Variants in ALDH1A2 observed in about 807,000 individuals in gnomAD.
ALDH1A2 encodes the protein retinal dehydrogenase 2.
A neutral mutation model predicts 60.3 loss-of-function variants in ALDH1A2; 27 were observed. That is an observed-to-expected ratio of 0.45 (90% CI 0.33 to 0.62). The LOEUF is 0.62. Among genes scored for constraint, ALDH1A2 ranks in the 20% least tolerant of loss-of-function variants. The pLI is 0.02. For synonymous variants in ALDH1A2, 289 were observed against 232.4 expected (o/e 1.24, Z -2.21); for missense variants, 581 against 643.8 (o/e 0.90, Z 1.06).
chr15:58,022,844 C>CTGAGGAAAA (rs1895969535), intron 1 of ALDH1A2, among the ~76,000 whole-genome samples: 1 of 152,118 alleles, frequency 6.6e-6, no homozygotes, highest in Non-Finnish European at 1.5e-5. Flanking sequence ...ACCATATATA[C>CTGAGGAAAA]ACCTTCAGGA....
chr15:58,018,315 G>A (rs1895837950), intron 1 of ALDH1A2, among the ~76,000 whole-genome samples: 1 of 152,004 alleles, frequency 6.6e-6, no homozygotes, highest in Non-Finnish European at 1.5e-5. Flanking sequence ...ACATCCAAAA[G>A]TTCATAATGA....
chr15:58,051,813 GC>G (rs1334129031), intron 1 of ALDH1A2, among the ~76,000 whole-genome samples: 3 of 152,146 alleles, frequency 2.0e-5, no homozygotes, highest in Non-Finnish European at 2.9e-5. Flanking sequence ...CCTGCAAAGT[GC>G]TAAGTCTCTA....
At chr15:57,988,844 T>G (rs1401556509) in intron 7 of ALDH1A2, among the ~76,000 whole-genome samples, 5 of 151,600 alleles carry the variant, frequency 3.3e-5, no homozygotes, top group Admixed American at 1.3e-4. Context: ...AAAGAGGAGA[T>G]TCCATTTATT....
intron 9 of ALDH1A2, among the ~76,000 whole-genome samples, chr15:57,962,400 G>C (rs1475024226): frequency 6.6e-6 from 1 of 152,122 alleles, no homozygotes; most frequent in East Asian, 1.9e-4. Context: ...GTACTGCTCT[G>C]ATGATATTGC....
intron 7 of ALDH1A2, among the ~76,000 whole-genome samples, chr15:57,982,160 T>G (rs999233897): frequency 3.9e-5 from 6 of 152,300 alleles, no homozygotes; most frequent in African/African-American, 1.4e-4. Context: ...ACAAACACAC[T>G]CTTTCTGGGG....
rs145997636 is a variant in ALDH1A2 at position 58,014,147 on chromosome 15, T to G, written c.222+30A>C. 20 of 1,614,136 alleles carry G rather than the reference T, an allele frequency of 1.2e-5. No homozygotes were observed. In the Middle Eastern group the frequency reaches 5.0e-4, roughly 40 times the overall value. Reference sequence around the variant, plus strand: ...CTGCTGTTTGAAGGCAGTTATTTCATAGGAAATCTTTTATCTACAAAAGAC... The same window carrying G: ...CTGCTGTTTGAAGGCAGTTATTTCAGAGGAAATCTTTTATCTACAAAAGAC... On this transcript the variant is annotated intron_variant, in intron 2 of 12. Transcript: ENST00000249750.
chr15:58,058,836 A>C (rs1448896393), intron 1 of ALDH1A2, among the ~76,000 whole-genome samples: 1 of 152,156 alleles, frequency 6.6e-6, no homozygotes, highest in Non-Finnish European at 1.5e-5. Context: ...CTATAATAAA[A>C]ATTAGAAAGT....
chr15:58,064,991 T>C (rs1156743300), intron 1 of ALDH1A2, among the ~76,000 whole-genome samples: 1 of 152,254 alleles, frequency 6.6e-6, no homozygotes, highest in East Asian at 1.9e-4. Context: ...TTACTGTACT[T>C]ATCAGTCAGG....
chr15:58,065,354 G>A (rs979459358), intron 1 of ALDH1A2, 180 bp downstream of exon 1: 2 of 687,880 alleles, frequency 2.9e-6, no homozygotes, highest in East Asian at 2.7e-5. Context: ...AGACCACGGC[G>A]GGGCTTCAAA....
intron 1 of ALDH1A2, among the ~76,000 whole-genome samples, chr15:58,056,036 C>A (rs1338910822): frequency 6.6e-6 from 1 of 152,114 alleles, no homozygotes; most frequent in African/African-American, 2.4e-5. Context: ...GTGAGAGACA[C>A]AGCGCGAGCG....
At chr15:58,059,591 C>G (rs1240655000) in intron 1 of ALDH1A2, among the ~76,000 whole-genome samples, 2 of 152,112 alleles carry the variant, frequency 1.3e-5, no homozygotes, top group African/African-American at 4.8e-5. Context: ...ACTTAAAATA[C>G]CAGAAACGTC....
chr15:58,048,466 C>T (rs1030258663), intron 1 of ALDH1A2, among the ~76,000 whole-genome samples: 1 of 152,054 alleles, frequency 6.6e-6, no homozygotes, highest in Non-Finnish European at 1.5e-5. Flanking sequence ...GGTCACTAGT[C>T]GTGTTCCCCA....
intron 1 of ALDH1A2, among the ~76,000 whole-genome samples, chr15:58,055,086 T>C (rs1896863277): frequency 6.6e-6 from 1 of 152,102 alleles, no homozygotes; most frequent in South Asian, 2.1e-4. Context: ...AGGTTAATAG[T>C]CCAAATTGTA....
intron 3 of ALDH1A2, among the ~76,000 whole-genome samples, chr15:58,012,923 C>G (rs560180118): frequency 6.6e-6 from 1 of 152,256 alleles, no homozygotes; most frequent in Non-Finnish European, 1.5e-5. Flanking sequence ...TCATTGATAC[C>G]AGGTGGAGAT....
chr15:58,031,139 A>T (rs1896230369), intron 1 of ALDH1A2, among the ~76,000 whole-genome samples: 1 of 152,160 alleles, frequency 6.6e-6, no homozygotes, highest in South Asian at 2.1e-4. Flanking sequence ...AGTAACCAAA[A>T]CAGCCTGGTA....
chr15:57,976,666 G>T (rs546814423), intron 7 of ALDH1A2, among the ~76,000 whole-genome samples: 2 of 152,090 alleles, frequency 1.3e-5, no homozygotes, highest in African/African-American at 4.8e-5. Context: ...GTCTATCATC[G>T]ATGGGCATCT....
chr15:58,045,152 A>C (rs117530007), intron 1 of ALDH1A2, among the ~76,000 whole-genome samples: 9,837 of 152,188 alleles, frequency 0.065, 348 homozygotes, highest in Middle Eastern at 0.14. Flanking sequence ...AAAAATGCTC[A>C]TCATTGGTCA....
chr15:57,986,708 C>T (rs887208987), intron 7 of ALDH1A2, among the ~76,000 whole-genome samples: 14 of 152,020 alleles, frequency 9.2e-5, no homozygotes, highest in South Asian at 4.1e-4. Context: ...GTCTCACTCC[C>T]GTCGCCCAGG....
chr15:58,017,027 G>A (rs1224620786), intron 1 of ALDH1A2, among the ~76,000 whole-genome samples: 2 of 152,148 alleles, frequency 1.3e-5, no homozygotes, highest in African/African-American at 4.8e-5. Flanking sequence ...GGCAGAGACA[G>A]AGCACTTGAG....
Sources: allele counts gnomAD v4.1 joint callset (sites outside exome capture counted in the v4.1 genomes callset), GRCh38; gene constraint gnomAD v4.1.1; transcripts MANE v1.5; gene names NCBI Gene and HGNC (gene_info 2026-07-23, HGNC 2026-07-21).